COL9A1: variants seen among roughly 807,000 people sequenced by gnomAD.
The protein encoded by COL9A1 is collagen alpha-1(IX) chain.
Under a neutral mutation model 142.6 loss-of-function variants are expected in COL9A1, and 104 were observed. That is an observed-to-expected ratio of 0.73 (90% CI 0.62 to 0.86). The LOEUF (loss-of-function observed/expected upper bound fraction) is 0.86. COL9A1 is among the 40% of genes least tolerant of loss of function. COL9A1 has a pLI of 0.00. For synonymous variants in COL9A1, 466 were observed against 396.0 expected (o/e 1.18, Z -2.10); for missense variants, 1,210 against 1,176.6 (o/e 1.03, Z -0.42).
rs1244560513 is a variant in COL9A1, at chr6:70,256,836, G to A, written c.1450-15C>T. On this transcript the variant is annotated splice_polypyrimidine_tract_variant and intron_variant, in intron 20 of 37. Transcript: ENST00000357250. ...CCCCGAGCACCCTGCAAAAAAACAA[G>A]ACAATGGAAAAAAACTGAGATCAGT... is the stretch of plus-strand genomic sequence containing the variant. 3.1e-6 allele frequency: 5 copies of A among 1,613,080 alleles called. No individual in the cohort carries two copies. Among genetic ancestry groups the A allele is most frequent in the Non-Finnish European group, 3.4e-6 (4 of 1,179,646 alleles).
At chr6:70,240,773 G>A (rs143424669) in intron 31 of COL9A1, 40 bp from the exon 32 acceptor site, 1 of 1,507,440 alleles carries the variant, frequency 6.6e-7, no homozygotes, top group East Asian at 2.3e-5. Context: ...AAAATTCTTA[G>A]TCCCATTGCC....
intron 15 of COL9A1, among the ~76,000 whole-genome samples, chr6:70,269,887 A>G (rs10085256): frequency 1.3e-5 from 2 of 152,238 alleles, no homozygotes; most frequent in African/African-American, 4.8e-5. Flanking sequence ...TTGAAGGGAA[A>G]CGAAATAAGA....
intron 8 of COL9A1, 122 bp from the exon 9 acceptor site, chr6:70,281,161 G>T: frequency 3.3e-6 from 3 of 898,134 alleles, no homozygotes; most frequent in Non-Finnish European, 5.2e-6. Flanking sequence ...AAACGTGGAG[G>T]TTCATGACCA....
chr6:70,276,321 A>G (rs938667629), intron 10 of COL9A1, among the ~76,000 whole-genome samples: 1 of 152,154 alleles, frequency 6.6e-6, no homozygotes, highest in Non-Finnish European at 1.5e-5. Context: ...GGGCATATTT[A>G]ACTAACTGAT....
rs1026065255 is a variant in COL9A1 at position 70,249,263 on chromosome 6, T to A, written c.1872+2857A>T. Reference sequence around the variant, plus strand: ...TGGTGTGTGCAGACTCAGGGAACTATCATTCCCCAGGGACTTTGGAATTGT... The same window carrying A: ...TGGTGTGTGCAGACTCAGGGAACTAACATTCCCCAGGGACTTTGGAATTGT... On this transcript the variant is annotated intron_variant, in intron 28 of 37. Coordinates refer to ENST00000357250, the MANE Select transcript of COL9A1 (RefSeq NM_001851.6). Among the ~76,000 whole-genome samples, 20 of 152,116 alleles carry A rather than the reference T, an allele frequency of 1.3e-4. 1 individual carries two copies. Among genetic ancestry groups the A allele is most frequent in the African/African-American group, 4.8e-4 (20 of 41,538 alleles).
chr6:70,224,744 T>G (rs1481762146), intron 37 of COL9A1, among the ~76,000 whole-genome samples: 2 of 152,202 alleles, frequency 1.3e-5, no homozygotes, highest in Admixed American at 1.3e-4. Context: ...AAATCTTCTC[T>G]AAATCCCATT....
chr6:70,260,806 A>C, intron 19 of COL9A1, 96 bp from the exon 20 acceptor site: 1 of 1,148,232 alleles, frequency 8.7e-7, no homozygotes, highest in Non-Finnish European at 1.3e-6. Flanking sequence ...GGATATTATC[A>C]TAACCAAAGG....
intron 20 of COL9A1, among the ~76,000 whole-genome samples, chr6:70,257,636 A>G (rs1310187081): frequency 6.6e-6 from 1 of 152,142 alleles, no homozygotes; most frequent in Non-Finnish European, 1.5e-5. Context: ...AATCCCAGCT[A>G]CTCAGGAGGC....
At chr6:70,285,596 T>C (rs1773421574) in intron 5 of COL9A1, among the ~76,000 whole-genome samples, 1 of 152,270 alleles carries the variant, frequency 6.6e-6, no homozygotes, top group Non-Finnish European at 1.5e-5. Flanking sequence ...TTAGTCAACA[T>C]TTGTGATGTC....
chr6:70,246,807 A>T (rs1206791958), intron 28 of COL9A1, among the ~76,000 whole-genome samples: 1 of 152,218 alleles, frequency 6.6e-6, no homozygotes, highest in African/African-American at 2.4e-5. Flanking sequence ...GGGTGGAAAT[A>T]AAGACAAGAA....
At position 70,268,832 on chromosome 6, in the gene COL9A1, G is replaced by A; in HGVS notation, c.1259C>T (p.Ser420Leu). 1 of 1,613,922 alleles carries A rather than the reference G, an allele frequency of 6.2e-7. No homozygotes were observed. The highest frequency in any genetic ancestry group is 1.1e-5 in the South Asian group (1 of 91,054). Residue 420 changes from serine (S) to leucine (L), a missense_variant, in exon 17 of 38, where the codon TCA (serine) becomes TTA (leucine). Ser to Leu is a moderately radical substitution (Grantham distance 145, BLOSUM62 -2). Transcript: ENST00000357250. ...LCPNACPPGR[S>L]GYPGLPGMRG... Reference sequence around the variant, plus strand: ...CATGCCTGGTAGGCCTGGATATCCTGAGCGACCTGGTGGACAGGCATTGGG... The same window carrying A: ...CATGCCTGGTAGGCCTGGATATCCTAAGCGACCTGGTGGACAGGCATTGGG...
In COL9A1 at chr6:70,236,217, AAACC is replaced by A. The variant is rs1205451497; in HGVS notation, c.2113-1281_2113-1278del. Among the ~76,000 whole-genome samples, 7 of 152,258 alleles carry A rather than the reference AAACC, an allele frequency of 4.6e-5. No individual in the cohort carries two copies. The East Asian group carries it at 1.3e-3, about 29-fold the overall frequency. ...TCTAAATATTGAAGAAGTTAAAAGT[AAACC>A]ATGTGTTTCCTTAGCATAAAAGCAA... is the stretch of plus-strand genomic sequence containing the variant. On this transcript the variant is annotated intron_variant, in intron 33 of 37. Transcript: ENST00000357250.
intron 5 of COL9A1, among the ~76,000 whole-genome samples, chr6:70,289,956 G>A (rs1308154900): frequency 1.3e-5 from 2 of 152,080 alleles, no homozygotes; most frequent in African/African-American, 2.4e-5. Context: ...TTCCAACAAC[G>A]GTTTTACCAG....
rs777093286 is a variant in COL9A1 at position 70,266,777 on chromosome 6, A to G, written c.1288-7T>C. On this transcript the variant is annotated splice_polypyrimidine_tract_variant and splice_region_variant and intron_variant, in intron 17 of 37. Coordinates refer to ENST00000357250, the MANE Select transcript of COL9A1 (RefSeq NM_001851.6). Reference sequence around the variant, plus strand: ...CTTTAGCCCCTTTATGACCCTAACAAATGCAAAATAAGTAATTGTCTTGAG... The same window carrying G: ...CTTTAGCCCCTTTATGACCCTAACAGATGCAAAATAAGTAATTGTCTTGAG... 6.2e-7 allele frequency: 1 copy of G among 1,611,752 alleles called. No individual in the cohort carries two copies. Among genetic ancestry groups the G allele is most frequent in the South Asian group, 1.1e-5 (1 of 91,026 alleles).
intron 29 of COL9A1, among the ~76,000 whole-genome samples, 163 bp downstream of exon 29, chr6:70,242,499 C>T (rs1038646672): frequency 3.9e-5 from 6 of 152,314 alleles, no homozygotes; most frequent in Middle Eastern, 3.4e-3. Context: ...CTGAGGGTAT[C>T]CTACCCATAA....
At position 70,268,977 on chromosome 6, in the gene COL9A1, T is replaced by C. The variant is rs1583298701; in HGVS notation, c.1231-117A>G. ...TTCCAGTTACAGAACTCCATTGCAATAATATTCATTGAATAATTCTAAACA... is the reference window on the plus strand; with the variant it reads ...TTCCAGTTACAGAACTCCATTGCAACAATATTCATTGAATAATTCTAAACA... On this transcript the variant is annotated intron_variant, in intron 16 of 37. Transcript: ENST00000357250. The C allele has an allele frequency of 2.1e-5, 16 of 773,028 alleles. No homozygotes were observed. The East Asian group carries it at 3.9e-4, about 19-fold the overall frequency. The allele number at this position is 773,028 out of a possible 1,614,324, so 47.9% of individuals were successfully genotyped here.
chr6:70,267,504 T>G (rs1772105285), intron 17 of COL9A1, among the ~76,000 whole-genome samples: 1 of 152,074 alleles, frequency 6.6e-6, no homozygotes, highest in Admixed American at 6.6e-5. Context: ...GTATTTTTAG[T>G]AGAGACAGCG....
chr6:70,281,694 A>T (rs2127598018), intron 7 of COL9A1, among the ~76,000 whole-genome samples: 1 of 152,274 alleles, frequency 6.6e-6, no homozygotes, highest in East Asian at 1.9e-4. Flanking sequence ...GACGCCCCCA[A>T]GGTTGGGGGA....
Position 70,274,198 on chromosome 6 carries a change from A to T in COL9A1, c.1030-116T>A, listed in dbSNP as rs532500914. ...CCCCATTATGGTGTTTTTTTTTTTT[A>T]AATTTCCAACTTTTATTTTAAGTTC... On this transcript the variant is annotated intron_variant, in intron 11 of 37. Transcript: ENST00000357250. The T allele has an allele frequency of 5.7e-4, 378 of 668,664 alleles. 1 individual carries two copies. Among genetic ancestry groups the T allele is most frequent in the South Asian group, 1.2e-3 (50 of 42,974 alleles). The allele number at this position is 668,664 out of a possible 1,614,324, so 41.4% of individuals were successfully genotyped here. A position where few individuals can be genotyped will look rare whatever the true frequency, so the allele number is the denominator to read the frequency against.
Sources: allele counts gnomAD v4.1 joint callset (sites outside exome capture counted in the v4.1 genomes callset), GRCh38; gene constraint gnomAD v4.1.1; transcripts MANE v1.5; gene names NCBI Gene and HGNC (gene_info 2026-07-23, HGNC 2026-07-21).